Variants in ADGRL3 observed in about 807,000 individuals in gnomAD.
ADGRL3 encodes adhesion G protein-coupled receptor L3.
A neutral mutation model predicts 153.5 loss-of-function variants in ADGRL3; 62 were observed. The observed-to-expected ratio is 0.40, with a 90% CI of 0.33 to 0.50. ADGRL3 has a LOEUF of 0.50. Ranked by LOEUF, ADGRL3 falls within the 20% of genes least tolerant of loss-of-function variation. The pLI is 0.47. For synonymous variants in ADGRL3, 710 were observed against 672.5 expected, an observed-to-expected ratio of 1.06 and a Z score of -0.86; for missense variants, 1,641 against 1,859.4, an observed-to-expected ratio of 0.88 and a Z score of 2.16.
intron 25 of ADGRL3, among the ~76,000 whole-genome samples, chr4:62,051,119 G>GTA (rs1272955600): frequency 6.9e-6 from 1 of 145,196 alleles, no homozygotes; most frequent in African/African-American, 2.6e-5. Context: ...AAGAATATGT[G>GTA]TATATATATG....
intron 2 of ADGRL3, among the ~76,000 whole-genome samples, chr4:61,480,283 T>A (rs186644696): frequency 6.6e-6 from 1 of 152,304 alleles, no homozygotes; most frequent in African/African-American, 2.4e-5. Context: ...TCATTCAATA[T>A]TTGTTGTTCT....
chr4:61,412,628 T>A (rs2097101235), intron 2 of ADGRL3, among the ~76,000 whole-genome samples: 1 of 152,200 alleles, frequency 6.6e-6, no homozygotes, highest in Non-Finnish European at 1.5e-5. Context: ...AGTCTGTTTC[T>A]CTGTGTCCAC....
intron 1 of ADGRL3, among the ~76,000 whole-genome samples, chr4:61,231,992 T>A (rs188164566): frequency 6.6e-6 from 1 of 151,838 alleles, no homozygotes; most frequent in African/African-American, 2.4e-5. Context: ...ACTAGATAGA[T>A]AAATTAGGAA....
At chr4:62,034,075 A>G (rs757000842) in intron 23 of ADGRL3, among the ~76,000 whole-genome samples, 21 of 151,776 alleles carry the variant, frequency 1.4e-4, no homozygotes, top group Non-Finnish European at 2.9e-4. Context: ...AGACCCTCAA[A>G]CAAATTTAGA....
At chr4:61,804,952 TTTA>T (rs2097537543) in intron 8 of ADGRL3, among the ~76,000 whole-genome samples, 1 of 140,276 alleles carries the variant, frequency 7.1e-6, no homozygotes, top group Admixed American at 7.2e-5. Flanking sequence ...TTTATTTATT[TTTA>T]TTTATTTATT....
At chr4:61,542,967 C>T (rs1292764521) in intron 4 of ADGRL3, among the ~76,000 whole-genome samples, 2 of 152,172 alleles carry the variant, frequency 1.3e-5, no homozygotes, top group Non-Finnish European at 2.9e-5. Flanking sequence ...AACAACTCCT[C>T]AGTCCCATCT....
intron 3 of ADGRL3, among the ~76,000 whole-genome samples, chr4:61,507,684 G>A: frequency 6.6e-6 from 1 of 152,110 alleles, no homozygotes; most frequent in Non-Finnish European, 1.5e-5. Flanking sequence ...GAGAAGGGTG[G>A]ATGGGTGGCA....
chr4:61,526,473 C>A (rs1163388063), intron 4 of ADGRL3, among the ~76,000 whole-genome samples: 1 of 151,646 alleles, frequency 6.6e-6, no homozygotes, highest in African/African-American at 2.4e-5. Context: ...GGAGTGAACA[C>A]AAATTGGAAG....
chr4:61,855,053 T>C (rs907505909), intron 9 of ADGRL3, among the ~76,000 whole-genome samples: 3 of 152,106 alleles, frequency 2.0e-5, no homozygotes, highest in Non-Finnish European at 2.9e-5. Flanking sequence ...GAATATAATG[T>C]AGTATCCAGG....
At chr4:61,429,075 A>T (rs1433418657) in intron 2 of ADGRL3, among the ~76,000 whole-genome samples, 1 of 152,032 alleles carries the variant, frequency 6.6e-6, no homozygotes, top group Non-Finnish European at 1.5e-5. Context: ...GTATAATTTT[A>T]CTCCAAAGCT....
Position 61,298,638 on chromosome 4 carries a change from C to T in ADGRL3, c.-239-84486C>T, listed in dbSNP as rs572814320. ...TTCAATTCATTCAGCCAAATAATGA[C>T]GATCAGGACAACCATTTCTACATTA... On this transcript the variant is annotated intron_variant, in intron 1 of 26. Coordinates refer to ENST00000683033, the MANE Select transcript of ADGRL3 (RefSeq NM_001387552.1). Among the ~76,000 whole-genome samples the T allele has an allele frequency of 9.9e-5, 15 of 152,144 alleles. No individual in the cohort carries two copies. In the South Asian group the frequency reaches 1.2e-3, roughly 13 times the overall value.
chr4:61,586,300 G>T (rs1054866174), intron 4 of ADGRL3, among the ~76,000 whole-genome samples: 2 of 151,878 alleles, frequency 1.3e-5, no homozygotes, highest in Non-Finnish European at 2.9e-5. Flanking sequence ...GCACAGATAG[G>T]TTTAGGCTTC....
chr4:61,346,781 C>CAAA (rs748059859), intron 1 of ADGRL3, among the ~76,000 whole-genome samples: 9 of 44,722 alleles, frequency 2.0e-4, no homozygotes, highest in East Asian at 6.3e-4. Flanking sequence ...AGACCTGTCT[C>CAAA]AAAAAAAAAA....
At chr4:61,586,676 C>G (rs1015354756) in intron 4 of ADGRL3, among the ~76,000 whole-genome samples, 3 of 151,996 alleles carry the variant, frequency 2.0e-5, no homozygotes, top group African/African-American at 4.8e-5. Flanking sequence ...GAAAATATAA[C>G]TTTTCCTCCA....
chr4:61,972,761 T>A (rs1282620624), intron 17 of ADGRL3, among the ~76,000 whole-genome samples: 1 of 152,180 alleles, frequency 6.6e-6, no homozygotes, highest in Non-Finnish European at 1.5e-5. Context: ...TATGGCCATT[T>A]TCACAATATT....
At chr4:61,500,535 G>T (rs1283425205) in intron 3 of ADGRL3, among the ~76,000 whole-genome samples, 1 of 152,120 alleles carries the variant, frequency 6.6e-6, no homozygotes, top group Admixed American at 6.6e-5. Context: ...AGATGACTGG[G>T]TTAAAATGTA....
chr4:62,058,943 G>A (rs757462756), intron 25 of ADGRL3, among the ~76,000 whole-genome samples: 1 of 152,120 alleles, frequency 6.6e-6, no homozygotes, highest in Middle Eastern at 3.2e-3. Context: ...CAGCTACAGA[G>A]AAAAGACAAA....
intron 21 of ADGRL3, among the ~76,000 whole-genome samples, chr4:62,006,282 C>T (rs117963189): frequency 0.013 from 2,032 of 151,734 alleles, 24 homozygotes; most frequent in East Asian, 0.05. Flanking sequence ...GTGATCAGCC[C>T]GCTTTGGCCT....
intron 13 of ADGRL3, among the ~76,000 whole-genome samples, chr4:61,914,107 T>G (rs928100088): frequency 6.6e-6 from 1 of 152,110 alleles, no homozygotes; most frequent in African/African-American, 2.4e-5. Context: ...AAAATGCAGT[T>G]GAGTAGATTC....
Sources: gnomAD v4.1 joint callset for allele counts (sites outside exome capture counted in the v4.1 genomes callset) on GRCh38, gnomAD v4.1.1 for gene constraint, MANE v1.5 for transcripts, NCBI Gene and HGNC (gene_info 2026-07-23, HGNC 2026-07-21) for gene names.